AGPAT3: variants seen among roughly 807,000 people sequenced by gnomAD.
AGPAT3 encodes 1-acylglycerol-3-phosphate O-acyltransferase 3.
A neutral mutation model predicts 47.3 loss-of-function variants in AGPAT3; 5 were observed. The ratio of observed to expected loss-of-function variants is 0.11; its 90% CI spans 0.06 to 0.22. The LOEUF (loss-of-function observed/expected upper bound fraction) is 0.22, where lower values mean the gene tolerates loss of function less well. Among genes scored for constraint, AGPAT3 ranks in the 10% least tolerant of loss-of-function variants. The probability of loss-of-function intolerance (pLI) is 1.00; values close to 1 mark genes in which losing one functional copy is unlikely to be tolerated. For synonymous variants in AGPAT3, 212 were observed against 208.3 expected (o/e 1.02, Z -0.15); for missense variants, 315 against 493.0 (o/e 0.64, Z 3.42).
Position 43,920,327 on chromosome 21 carries a change from G to A in AGPAT3, c.-49+16308G>A, listed in dbSNP as rs950050050. 2.0e-5 allele frequency among the ~76,000 whole-genome samples: 3 copies of A among 152,156 alleles called. No homozygotes were observed. Among genetic ancestry groups the A allele is most frequent in the Non-Finnish European group, 4.4e-5 (3 of 68,036 alleles). On this transcript the variant is annotated intron_variant, in intron 2 of 9. Transcript: ENST00000291572. This position sits in a 1 kb window ranked among gnomAD's most constrained non-coding sequence, Gnocchi z 6.1. ...GTGAGTGTTGAATGTGTGTGTGAGT[G>A]TGACTCGGCTGAGAGGAGACAGCGC...
intron 1 of AGPAT3, among the ~76,000 whole-genome samples, chr21:43,890,397 T>A (rs2086076927): frequency 6.6e-6 from 1 of 152,162 alleles, no homozygotes; most frequent in African/African-American, 2.4e-5. Flanking sequence ...CAACCTCTTT[T>A]CTTTATAAAT....
chr21:43,964,111 G>A (rs542672987), intron 3 of AGPAT3, among the ~76,000 whole-genome samples: 2 of 152,122 alleles, frequency 1.3e-5, no homozygotes, highest in East Asian at 2.0e-4. Flanking sequence ...TCAGCCGGGC[G>A]CAGTGGGTCA....
chr21:43,967,606 ATTTTTC>A, intron 3 of AGPAT3: 1 of 233,748 alleles, frequency 4.3e-6, no homozygotes, highest in Non-Finnish European at 8.4e-6. Context: ...ATCTAGTGAC[ATTTTTC>A]ATCTTCTGCA....
intron 1 of AGPAT3, among the ~76,000 whole-genome samples, chr21:43,878,057 C>T (rs2085772808): frequency 1.3e-5 from 2 of 152,172 alleles, no homozygotes; most frequent in South Asian, 4.1e-4. Context: ...CCCCACAGAA[C>T]AAGAGGCAGC....
intron 1 of AGPAT3, among the ~76,000 whole-genome samples, chr21:43,879,347 C>CAA (rs34630760): frequency 1.1e-4 from 8 of 71,640 alleles, no homozygotes; most frequent in Middle Eastern, 6.0e-3. Context: ...GACTCTATCT[C>CAA]AAAAAAAAAA....
intron 2 of AGPAT3, among the ~76,000 whole-genome samples, chr21:43,942,740 G>A (rs2087704718): frequency 6.6e-6 from 1 of 152,162 alleles, no homozygotes; most frequent in South Asian, 2.1e-4. Flanking sequence ...AGGGTGCAGC[G>A]GTCACCCTGG....
At chr21:43,980,821 G>A (rs930976507) in intron 8 of AGPAT3, among the ~76,000 whole-genome samples, 168 bp from the exon 9 acceptor site, 19 of 152,210 alleles carry the variant, frequency 1.2e-4, no homozygotes, top group African/African-American at 4.3e-4. Flanking sequence ...CTCCAAAAAC[G>A]TACAGCCAGC....
intron 2 of AGPAT3, among the ~76,000 whole-genome samples, chr21:43,907,931 G>A (rs753800786): frequency 8.5e-5 from 13 of 152,186 alleles, no homozygotes; most frequent in South Asian, 2.1e-4. Flanking sequence ...CGCCCTCTCC[G>A]TCGCACGGCT....
chr21:43,892,797 A>G (rs1569049315), intron 1 of AGPAT3, among the ~76,000 whole-genome samples: 2 of 152,166 alleles, frequency 1.3e-5, no homozygotes, highest in African/African-American at 2.4e-5. Context: ...GTCTACATCA[A>G]TAATCTGTTG....
chr21:43,909,606 C>T (rs1019725011), intron 2 of AGPAT3, among the ~76,000 whole-genome samples: 4 of 152,172 alleles, frequency 2.6e-5, no homozygotes, highest in Non-Finnish European at 5.9e-5. Context: ...TTTTCATACA[C>T]ATTTGAAGAG....
intron 5 of AGPAT3, among the ~76,000 whole-genome samples, chr21:43,969,671 C>T (rs4818877): frequency 0.46 from 70,473 of 151,920 alleles, 17,096 homozygotes; most frequent in African/African-American, 0.62. Context: ...TTTTTGTTTT[C>T]TTGTTCGTTT....
At chr21:43,902,635 C>T (rs2086384875) in intron 1 of AGPAT3, among the ~76,000 whole-genome samples, 1 of 152,166 alleles carries the variant, frequency 6.6e-6, no homozygotes, top group African/African-American at 2.4e-5. Flanking sequence ...TTTTGAGGCT[C>T]CTCCCTCTTG....
chr21:43,964,694 G>A (rs999954018), intron 3 of AGPAT3, among the ~76,000 whole-genome samples: 1 of 152,230 alleles, frequency 6.6e-6, no homozygotes, highest in Non-Finnish European at 1.5e-5. Flanking sequence ...TACTTGGGAT[G>A]ACCACAAATA....
intron 3 of AGPAT3, chr21:43,966,988 G>A (rs1282597462): frequency 1.3e-5 from 2 of 152,250 alleles, no homozygotes; most frequent in African/African-American, 2.4e-5. Context: ...TGAGGCCCAC[G>A]TGTGACAAAG....
In AGPAT3 at chr21:43,983,142, C is replaced by T. The variant is rs1301421291; in HGVS notation, c.*750C>T. 1 of 152,256 alleles carries T rather than the reference C, an allele frequency of 6.6e-6. No homozygotes were observed. The highest frequency in any genetic ancestry group is 1.5e-5 in the Non-Finnish European group (1 of 68,080). 9.4% of individuals were successfully genotyped at this position (152,256 alleles called of 1,614,324 possible). ...AGAGTTCTCCATGCACCTAAAGCTC[C>T]TTTGTCGCTCTCATGGCTGTCAGAT... is the stretch of plus-strand genomic sequence containing the variant. On this transcript the variant is annotated 3_prime_UTR_variant, in exon 10 of 10. Coordinates refer to ENST00000291572, the MANE Select transcript of AGPAT3 (RefSeq NM_020132.5).
intron 2 of AGPAT3, among the ~76,000 whole-genome samples, chr21:43,906,827 A>C (rs1008868713): frequency 6.6e-6 from 1 of 152,072 alleles, no homozygotes; most frequent in Non-Finnish European, 1.5e-5. Flanking sequence ...GCGTGGAGAC[A>C]CCCGTGCTCC....
At position 43,984,678 on chromosome 21, in the gene AGPAT3, T is replaced by A. The variant is rs2030069232; in HGVS notation, c.*2286T>A. ...CAATAAAAACTACACCATGAATGTT[T>A]GAATTTTTTTTTTTTGGGGGGGGGA... On this transcript the variant is annotated 3_prime_UTR_variant, in exon 10 of 10. Coordinates refer to ENST00000291572, the MANE Select transcript of AGPAT3 (RefSeq NM_020132.5). The A allele has an allele frequency of 6.4e-6, 1 of 155,262 alleles. No individual in the cohort carries two copies. The highest frequency in any genetic ancestry group is 1.4e-5 in the Non-Finnish European group (1 of 73,130). 9.6% of individuals were successfully genotyped at this position (155,262 alleles called of 1,614,324 possible).
chr21:43,935,928 C>G (rs2146320825), intron 2 of AGPAT3, among the ~76,000 whole-genome samples: 1 of 152,348 alleles, frequency 6.6e-6, no homozygotes, highest in African/African-American at 2.4e-5. Context: ...CAGATCATGC[C>G]AGGCTTTTTC....
At chr21:43,968,706 T>C (rs2089261620) in intron 4 of AGPAT3, among the ~76,000 whole-genome samples, 1 of 152,060 alleles carries the variant, frequency 6.6e-6, no homozygotes, top group Non-Finnish European at 1.5e-5. Context: ...GGCCTTTGCC[T>C]TTGAGATGAC....
Sources: gnomAD v4.1 joint callset for allele counts (sites outside exome capture counted in the v4.1 genomes callset) on GRCh38, gnomAD v4.1.1 for gene constraint, Gnocchi (gnomAD v3.1) non-coding constraint, MANE v1.5 for transcripts, NCBI Gene and HGNC (gene_info 2026-07-23, HGNC 2026-07-21) for gene names.